Variants in EFCAB8 observed in about 807,000 individuals in gnomAD.
EFCAB8 encodes the protein EF-hand calcium-binding domain-containing protein 8.
Under a neutral mutation model 116.3 loss-of-function variants are expected in EFCAB8, and 100 were observed. The observed-to-expected ratio is 0.86, with a 90% confidence interval of 0.73 to 1.02. The LOEUF (loss-of-function observed/expected upper bound fraction) is 1.02, where lower values mean the gene tolerates loss of function less well. EFCAB8 is among the 50% of genes least tolerant of loss of function. EFCAB8 has a pLI of 0.00. For synonymous variants in EFCAB8, 558 were observed against 567.9 expected (o/e 0.98, Z 0.25); for missense variants, 1,320 against 1,416.9 (o/e 0.93, Z 1.10).
rs767843379 is a variant in EFCAB8, at chr20:32,893,433, G to A, written c.883+135G>A. On this transcript the variant is annotated intron_variant, in intron 9 of 26. Transcript: ENST00000400522. ...TCTGGGAAGGCGTCTGCTTCCAAGC[G>A]CAGGGTGCATGCCGCTCAGCTCAGC... 5.6e-4 allele frequency: 743 copies of A among 1,318,258 alleles called. 2 individuals carry two copies. Among genetic ancestry groups the A allele is most frequent in the Non-Finnish European group, 6.8e-4 (661 of 971,180 alleles). 81.7% of individuals were successfully genotyped at this position (1,318,258 alleles called of 1,614,324 possible).
chr20:32,899,855 C>T (rs545612055), intron 11 of EFCAB8, among the ~76,000 whole-genome samples: 63 of 152,170 alleles, frequency 4.1e-4, no homozygotes, highest in Admixed American at 2.1e-3. Flanking sequence ...ATTGCAGGCA[C>T]GAGCCACCGC....
chr20:32,935,741 G>A (rs1988096326), intron 22 of EFCAB8, among the ~76,000 whole-genome samples: 1 of 151,358 alleles, frequency 6.6e-6, no homozygotes. Flanking sequence ...CCTGACCTCA[G>A]GTGATCTGCC....
intron 23 of EFCAB8, among the ~76,000 whole-genome samples, chr20:32,944,200 C>T (rs893446770): frequency 3.9e-5 from 6 of 152,114 alleles, no homozygotes; most frequent in Admixed American, 1.3e-4. Context: ...TAGGGCCAGG[C>T]GCGGTGGCTC....
rs559484763 is a variant in EFCAB8, at chr20:32,944,334, G to A, written c.2959+530G>A. Among the ~76,000 whole-genome samples, 17 of 152,162 alleles carry A rather than the reference G, an allele frequency of 1.1e-4. 2 individuals carry two copies. The South Asian group carries it at 3.3e-3, about 30-fold the overall frequency. On this transcript the variant is annotated intron_variant, in intron 23 of 26. Transcript: ENST00000400522. ...ACAAAAATTAGCCAGGCATGGTGGT[G>A]CATGCCTGTAATCCCAGCTACTTGA...
intron 6 of EFCAB8, among the ~76,000 whole-genome samples, chr20:32,886,189 A>G (rs1364466811): frequency 6.6e-6 from 1 of 152,180 alleles, no homozygotes; most frequent in Non-Finnish European, 1.5e-5. Flanking sequence ...CATCTGTCAA[A>G]TGGGGCTAGT....
chr20:32,859,029 A>G (rs886999635), intron 1 of EFCAB8, 23 bp downstream of exon 1: 1 of 471,034 alleles, frequency 2.1e-6, no homozygotes, highest in Non-Finnish European at 4.4e-6. Flanking sequence ...TTTAGGTGAA[A>G]GTTGCTCTCC....
chr20:32,903,722 A>G (rs1258222651), intron 11 of EFCAB8: 1 of 152,292 alleles, frequency 6.6e-6, no homozygotes, highest in Non-Finnish European at 1.5e-5. Context: ...GTGTCTCTGG[A>G]CAGATGATTT....
rs910834062 is a variant in EFCAB8 at position 32,940,054 on chromosome 20, T to A, written c.2791-3582T>A. ...CTTCCTTCCTTCCTTCCTTCCTTCC[T>A]TCCTTCCTTCCTTCCTTCCTTCCTT... is the stretch of plus-strand genomic sequence containing the variant. On this transcript the variant is annotated intron_variant, in intron 22 of 26. Transcript: ENST00000400522. Among the ~76,000 whole-genome samples, 2 of 110,300 alleles carry A rather than the reference T, an allele frequency of 1.8e-5. 1 individual carries two copies. Among genetic ancestry groups the A allele is most frequent in the Non-Finnish European group, 3.6e-5 (2 of 55,028 alleles). 72.4% of individuals were successfully genotyped at this position (110,300 alleles called of 152,430 possible). A position where few individuals can be genotyped will look rare whatever the true frequency, so the allele number is the denominator to read the frequency against.
chr20:32,926,355 G>A (rs1169405494), intron 20 of EFCAB8, among the ~76,000 whole-genome samples: 3 of 151,304 alleles, frequency 2.0e-5, no homozygotes, highest in South Asian at 2.1e-4. Context: ...TTGTGTGCAC[G>A]TTAAATTTTT....
At chr20:32,860,177 G>A (rs541173357) in intron 1 of EFCAB8, among the ~76,000 whole-genome samples, 2 of 152,186 alleles carry the variant, frequency 1.3e-5, no homozygotes, top group South Asian at 2.1e-4. Flanking sequence ...GCATGGTGGC[G>A]TGCACCTATA....
intron 4 of EFCAB8, among the ~76,000 whole-genome samples, chr20:32,878,148 C>A (rs1322124692): frequency 1.3e-5 from 2 of 152,084 alleles, no homozygotes; most frequent in Non-Finnish European, 2.9e-5. Flanking sequence ...CATTTGTGGT[C>A]CCAGCTACTC....
chr20:32,887,279 A>G (rs1266727168), intron 6 of EFCAB8, among the ~76,000 whole-genome samples: 1 of 152,334 alleles, frequency 6.6e-6, no homozygotes, highest in African/African-American at 2.4e-5. Flanking sequence ...GTGTCATTCA[A>G]AGAGTAAAAT....
At chr20:32,930,281 C>G (rs1056546750) in intron 20 of EFCAB8, 117 bp from the exon 21 acceptor site, 1 of 821,772 alleles carries the variant, frequency 1.2e-6, no homozygotes, top group African/African-American at 1.7e-5. Flanking sequence ...TCACCACTTT[C>G]ACTGGGCATC....
At chr20:32,903,994 A>G (rs2079350820) in intron 11 of EFCAB8, among the ~76,000 whole-genome samples, 1 of 151,068 alleles carries the variant, frequency 6.6e-6, no homozygotes, top group Admixed American at 6.6e-5. Flanking sequence ...GCCCTACTAC[A>G]GATGCCTTTG....
chr20:32,906,952 T>A lies in EFCAB8; in HGVS notation c.1266T>A (p.Asp422Glu). The change falls in exon 13 of 27, where the codon GAT becomes GAA. Residue 422 changes from aspartate (D) to glutamate (E), a missense_variant. Transcript: ENST00000400522. ...HQTSVTHILV[D>E]SRNNSILISV... Reference sequence around the variant, plus strand: ...CCTCAGTGACGCACATCCTTGTGGATAGCAGGAACAACAGCATCCTCATCA... The same window carrying A: ...CCTCAGTGACGCACATCCTTGTGGAAAGCAGGAACAACAGCATCCTCATCA... 1 of 1,543,206 alleles carries A rather than the reference T, an allele frequency of 6.5e-7. No homozygotes were observed. Among genetic ancestry groups the A allele is most frequent in the Non-Finnish European group, 8.8e-7 (1 of 1,142,466 alleles).
intron 1 of EFCAB8, among the ~76,000 whole-genome samples, chr20:32,861,287 C>T (rs974224773): frequency 3.3e-5 from 5 of 152,084 alleles, no homozygotes; most frequent in African/African-American, 9.7e-5. Context: ...CACTGAAACA[C>T]ATTTTATTTT....
At chr20:32,891,325 C>T (rs13036333) in intron 7 of EFCAB8, among the ~76,000 whole-genome samples, 5,105 of 152,194 alleles carry the variant, frequency 0.034, 126 homozygotes, top group Non-Finnish European at 0.051. Context: ...CTGCTGGGCC[C>T]GTGTTTGTTG....
At chr20:32,899,269 G>A (rs1240095903) in intron 11 of EFCAB8, among the ~76,000 whole-genome samples, 6 of 151,084 alleles carry the variant, frequency 4.0e-5, no homozygotes, top group Non-Finnish European at 5.9e-5. Context: ...GCCGGGCGTG[G>A]TGGTAAGCAC....
At chr20:32,924,424 T>A (rs1220434658) in intron 20 of EFCAB8, among the ~76,000 whole-genome samples, 1 of 152,190 alleles carries the variant, frequency 6.6e-6, no homozygotes, top group Non-Finnish European at 1.5e-5. Context: ...TATTATTATT[T>A]ATTTATGAGG....
Sources: gnomAD v4.1 joint callset for allele counts (sites outside exome capture counted in the v4.1 genomes callset) on GRCh38, gnomAD v4.1.1 for gene constraint, MANE v1.5 for transcripts, NCBI Gene and HGNC (gene_info 2026-07-23, HGNC 2026-07-21) for gene names.